HIVEP1: variants seen among roughly 807,000 people sequenced by gnomAD.
HIVEP1 encodes the protein zinc finger protein 40.
Under a neutral mutation model 180.0 loss-of-function variants are expected in HIVEP1, and 36 were observed. The ratio of observed to expected loss-of-function variants is 0.20; its 90% CI spans 0.15 to 0.26. The LOEUF (loss-of-function observed/expected upper bound fraction) is 0.26, where lower values mean the gene tolerates loss of function less well. Ranked by LOEUF, HIVEP1 falls within the 10% of genes least tolerant of loss-of-function variation. The pLI is 1.00. For synonymous variants in HIVEP1, 1,239 were observed against 1,239.0 expected (o/e 1.00, Z 0.00); for missense variants, 3,143 against 3,268.7 (o/e 0.96, Z 0.94).
intron 3 of HIVEP1, among the ~76,000 whole-genome samples, chr6:12,111,282 C>T (rs1439789811): frequency 6.6e-6 from 1 of 152,234 alleles, no homozygotes; most frequent in Admixed American, 6.5e-5. Context: ...AGAGTTGCCA[C>T]AAACCCTTAA....
intron 7 of HIVEP1, among the ~76,000 whole-genome samples, chr6:12,158,308 G>A (rs1244351204): frequency 6.6e-6 from 1 of 152,122 alleles, no homozygotes; most frequent in Non-Finnish European, 1.5e-5. Flanking sequence ...AGTTTGCTAG[G>A]TTTGAGAGAT....
Position 12,125,779 on chromosome 6 carries a change from C to G in HIVEP1, c.5984C>G (p.Thr1995Ser). ...ALALLNSKQN[T>S]GKSLYCQAIT... ...GCTCTCCTTAATTCAAAACAGAACA[C>G]TGGAAAATCACTATACTGTCAAGCA... Residue 1995 changes from threonine to serine, a missense_variant, in exon 4 of 9, where the codon ACT becomes AGT. Around this residue, in one of 12 missense-constraint regions of HIVEP1, gnomAD observed 1,357 missense variants for 1,260.5 expected, o/e 1.08. Transcript: ENST00000379388. The G allele has an allele frequency of 3.1e-6, 5 of 1,613,860 alleles. No homozygotes were observed. The highest frequency in any genetic ancestry group is 3.4e-6 in the Non-Finnish European group (4 of 1,179,750).
intron 3 of HIVEP1, among the ~76,000 whole-genome samples, chr6:12,100,740 G>A (rs1774068429): frequency 6.6e-6 from 1 of 152,116 alleles, no homozygotes; most frequent in Non-Finnish European, 1.5e-5. Context: ...AGAATACAGG[G>A]TGAGTATCCC....
At chr6:12,201,538 A>G in the HIVEP1 span, among the ~76,000 whole-genome samples, 1 of 152,214 alleles carries the variant, frequency 6.6e-6, no homozygotes, top group African/African-American at 2.4e-5. Flanking sequence ...TGTATAAGGC[A>G]CGGTCTGTAG....
intron 2 of HIVEP1, among the ~76,000 whole-genome samples, chr6:12,079,227 A>G (rs17608833): frequency 0.15 from 23,438 of 152,158 alleles, 2,397 homozygotes; most frequent in Non-Finnish European, 0.23. Context: ...AAGCTTATCA[A>G]TTTTCAACAT....
chr6:12,053,421 T>G (rs1185897227), intron 2 of HIVEP1, among the ~76,000 whole-genome samples: 3 of 152,130 alleles, frequency 2.0e-5, no homozygotes, highest in Admixed American at 1.3e-4. Context: ...AGTATAGAAA[T>G]GTATTATAAG....
At chr6:12,197,776 G>A in the HIVEP1 span, among the ~76,000 whole-genome samples, 458 of 152,142 alleles carry the variant, frequency 3.0e-3, 3 homozygotes, top group African/African-American at 0.011. Context: ...GAATTAAGAT[G>A]GTAGAGAACA....
At chr6:12,204,321 C>T in the HIVEP1 span, among the ~76,000 whole-genome samples, 68 of 51,192 alleles carry the variant, frequency 1.3e-3, no homozygotes, top group African/African-American at 4.5e-3. Context: ...GCCAGCACCA[C>T]GGCACCCTGC....
intron 2 of HIVEP1, chr6:12,038,736 ACC>A (rs1769470924): frequency 6.6e-6 from 1 of 152,548 alleles, no homozygotes; most frequent in Non-Finnish European, 1.5e-5. Context: ...AACCACCACC[ACC>A]ACCACCAACA....
intron 2 of HIVEP1, among the ~76,000 whole-genome samples, chr6:12,027,326 A>G (rs953033906): frequency 6.6e-6 from 1 of 152,222 alleles, no homozygotes; most frequent in Non-Finnish European, 1.5e-5. Flanking sequence ...CCTGCCAAGC[A>G]TAAGGGAATT....
At position 12,015,635 on chromosome 6, in the gene HIVEP1, C is replaced by A; in HGVS notation, c.7C>A (p.Arg3=). ...AGGCCCTGAGTCAAAGAAGATGCCTCGAACTAAACAAATTCATCCCAGAAA... is the reference window on the plus strand; with the variant it reads ...AGGCCCTGAGTCAAAGAAGATGCCTAGAACTAAACAAATTCATCCCAGAAA... The part of the protein sequence containing the change: MP[R]TKQIHPRNLR... The change falls in exon 2 of 9, where the codon CGA becomes AGA. Residue 3 remains arginine, a synonymous_variant. Coordinates refer to ENST00000379388, the MANE Select transcript of HIVEP1 (RefSeq NM_002114.4). 1 of 1,613,300 alleles carries A rather than the reference C, an allele frequency of 6.2e-7. No homozygotes were observed. Among genetic ancestry groups the A allele is most frequent in the Non-Finnish European group, 8.5e-7 (1 of 1,179,592 alleles).
chr6:12,160,936 C>T (rs1413320888), intron 7 of HIVEP1, among the ~76,000 whole-genome samples: 1 of 152,128 alleles, frequency 6.6e-6, no homozygotes, highest in Non-Finnish European at 1.5e-5. Context: ...CTTTCCTCAT[C>T]TATAATACTA....
intron 2 of HIVEP1, among the ~76,000 whole-genome samples, chr6:12,078,719 C>CACACACACACACACACACACACATAT (rs758199591): frequency 4.1e-5 from 6 of 146,356 alleles, no homozygotes; most frequent in Admixed American, 6.8e-5. Flanking sequence ...CACACACACA[C>CACACACACACACACACACACACATAT]ATATATATAT....
the HIVEP1 span, among the ~76,000 whole-genome samples, chr6:12,210,964 T>C: frequency 1.3e-5 from 2 of 152,064 alleles, no homozygotes; most frequent in Non-Finnish European, 2.9e-5. Context: ...GCCCCATTTA[T>C]GAGTCACATT....
At chr6:12,132,741 G>A (rs1490541944) in intron 6 of HIVEP1, among the ~76,000 whole-genome samples, 1 of 152,096 alleles carries the variant, frequency 6.6e-6, no homozygotes, top group Non-Finnish European at 1.5e-5. Context: ...ATGTCATGTG[G>A]AATTATATGG....
At chr6:12,209,642 A>G in the HIVEP1 span, among the ~76,000 whole-genome samples, 2 of 152,330 alleles carry the variant, frequency 1.3e-5, no homozygotes, top group South Asian at 2.1e-4. Flanking sequence ...GAATGAAAAT[A>G]TTAATAATAA....
At chr6:12,171,816 C>T in the HIVEP1 span, among the ~76,000 whole-genome samples, 2 of 152,110 alleles carry the variant, frequency 1.3e-5, no homozygotes, top group African/African-American at 4.8e-5. Flanking sequence ...TATGGAAGAA[C>T]ATAGTGATTT....
In HIVEP1 at chr6:12,163,595, G is replaced by A. The variant is rs150344270; in HGVS notation, c.7291G>A (p.Val2431Ile). ...AGPVQLTIPA[V>I]SVVHRTLGTH... ...ACCAGTGCAGCTCACGATCCCTGCTGTCAGTGTCGTTCACAGAACTTTGGG... is the reference window on the plus strand; with the variant it reads ...ACCAGTGCAGCTCACGATCCCTGCTATCAGTGTCGTTCACAGAACTTTGGG... Residue 2431 changes from valine (V) to isoleucine (I), a missense_variant, in exon 9 of 9, where the codon GTC becomes ATC. Physicochemically the swap from Val to Ile is conservative, Grantham distance 29. Coordinates refer to ENST00000379388, the MANE Select transcript of HIVEP1 (RefSeq NM_002114.4). 23 of 1,614,212 alleles carry A rather than the reference G, an allele frequency of 1.4e-5. No homozygotes were observed. In the East Asian group the frequency reaches 4.5e-4, roughly 31 times the overall value.
chr6:12,057,966 A>G (rs558582208), intron 2 of HIVEP1, among the ~76,000 whole-genome samples: 18 of 152,308 alleles, frequency 1.2e-4, no homozygotes, highest in African/African-American at 4.3e-4. Context: ...AAATACTCAA[A>G]TATTTTATTC....
Sources: allele counts gnomAD v4.1 joint callset (sites outside exome capture counted in the v4.1 genomes callset), GRCh38; gene constraint gnomAD v4.1.1; regional missense constraint gnomAD v4.1.1; transcripts MANE v1.5; gene names NCBI Gene and HGNC (gene_info 2026-07-23, HGNC 2026-07-21).